NUTM2E: variants seen among roughly 807,000 people sequenced by gnomAD.
NUTM2E encodes the protein NUT family member 2E.
In NUTM2E, 3 loss-of-function variants were observed where a neutral mutation model predicts 26.1. The observed-to-expected ratio is 0.12, with a 90% CI of 0.05 to 0.30. The LOEUF (loss-of-function observed/expected upper bound fraction) is 0.30, where lower values mean the gene tolerates loss of function less well. NUTM2E is among the 10% of genes least tolerant of loss of function. NUTM2E has a pLI of 1.00. For missense variants in NUTM2E, 62 were observed against 381.3 expected (o/e 0.16, Z 6.97); for synonymous variants, 13 against 157.5 (o/e 0.08, Z 6.87).
At chr10:79,830,758 A>G (rs1188344630) in intron 1 of NUTM2E, among the ~76,000 whole-genome samples, 4 of 151,856 alleles carry the variant, frequency 2.6e-5, no homozygotes, top group Non-Finnish European at 5.9e-5. Flanking sequence ...ATGTGTTTAA[A>G]TATCAGGACA....
chr10:79,836,411 G>A lies in NUTM2E; in HGVS notation c.-2727-1898G>A, dbSNP rs527247797. ...TTCTCTAGGATACATCTATGTACATGCAACTGAAGAAAATAGCTTTTAAAT... is the reference window on the plus strand; with the variant it reads ...TTCTCTAGGATACATCTATGTACATACAACTGAAGAAAATAGCTTTTAAAT... On this transcript the variant is annotated intron_variant, in intron 1 of 9. Coordinates refer to ENST00000429984, the MANE Select transcript of NUTM2E (RefSeq NM_001355263.2). Among the ~76,000 whole-genome samples the A allele has an allele frequency of 9.2e-5, 14 of 151,920 alleles. No individual in the cohort carries two copies. The South Asian group carries it at 2.9e-3, about 32-fold the overall frequency.
chr10:79,833,436 C>T (rs2880200), intron 1 of NUTM2E, among the ~76,000 whole-genome samples: 7 of 149,964 alleles, frequency 4.7e-5, no homozygotes, highest in East Asian at 2.0e-4. Context: ...ACCTACAGAA[C>T]GGGAAAAAAA....
chr10:79,827,189 G>A lies in NUTM2E; in HGVS notation c.-2896G>A. ...CCATCCGACTCTTCGAGGGGCGGCA[G>A]GGCCCCATCTGTGTCTTTCGCTCTC... On this transcript the variant is annotated 5_prime_UTR_variant, in exon 1 of 10. Transcript: ENST00000429984. The A allele has an allele frequency of 6.5e-6, 1 of 152,676 alleles. No homozygotes were observed. The highest frequency in any genetic ancestry group is 2.0e-4 in the East Asian group (1 of 5,120). 9.5% of individuals were successfully genotyped at this position (152,676 alleles called of 1,614,324 possible).
chr10:79,828,314 T>C (rs1277076110), intron 1 of NUTM2E, among the ~76,000 whole-genome samples: 1 of 151,898 alleles, frequency 6.6e-6, no homozygotes, highest in African/African-American at 2.4e-5. Flanking sequence ...AACACGATAA[T>C]GGAATCAGAA....
chr10:79,829,567 C>T (rs1841913551), intron 1 of NUTM2E, among the ~76,000 whole-genome samples: 1 of 151,906 alleles, frequency 6.6e-6, no homozygotes, highest in Non-Finnish European at 1.5e-5. Flanking sequence ...GGAAAATTCC[C>T]TAAGAGAAAA....
chr10:79,831,522 T>C (rs1454086155), intron 1 of NUTM2E, among the ~76,000 whole-genome samples: 1 of 151,582 alleles, frequency 6.6e-6, no homozygotes, highest in Non-Finnish European at 1.5e-5. Flanking sequence ...TCATTTGATA[T>C]GACTTGTAAA....
intron 1 of NUTM2E, among the ~76,000 whole-genome samples, chr10:79,835,036 T>C (rs1442540563): frequency 1.3e-5 from 2 of 151,212 alleles, no homozygotes; most frequent in Non-Finnish European, 3.0e-5. Flanking sequence ...TAAACTGCCT[T>C]GTTGCTGTGA....
chr10:79,833,471 A>G (rs1221913095), intron 1 of NUTM2E, among the ~76,000 whole-genome samples: 1 of 151,472 alleles, frequency 6.6e-6, no homozygotes. Context: ...CATCTGGCAA[A>G]GGACTAATAT....
chr10:79,838,105 C>A (rs1413822601), intron 1 of NUTM2E, among the ~76,000 whole-genome samples: 3 of 151,320 alleles, frequency 2.0e-5, no homozygotes, highest in Non-Finnish European at 4.4e-5. Context: ...TAGACAGAAA[C>A]CCTAGAACCC....
intron 1 of NUTM2E, among the ~76,000 whole-genome samples, chr10:79,836,554 C>T (rs915249441): frequency 6.6e-6 from 1 of 151,810 alleles, no homozygotes; most frequent in Non-Finnish European, 1.5e-5. Context: ...ATTTACATAT[C>T]GACAGCGTAC....
Position 79,840,181 on chromosome 10 carries a change from G to GCAAAATATCATAC in NUTM2E, c.-1560_-1559insCAAAATATCATAC, listed in dbSNP as rs1841990288. Among the ~76,000 whole-genome samples the GCAAAATATCATAC allele has an allele frequency of 9.5e-6, 1 of 105,008 alleles. No homozygotes were observed. The highest frequency in any genetic ancestry group is 3.7e-5 in the African/African-American group (1 of 27,184). 68.9% of individuals were successfully genotyped at this position (105,008 alleles called of 152,430 possible). ...TGCTTCAACATCCCTCTTAGATGAA[G>GCAAAATATCATAC]TTATTGATTGAAAATCATTTAAGTT... On this transcript the variant is annotated 5_prime_UTR_variant, in exon 4 of 10. The change creates a premature stop within an existing upstream ORF in the 5' untranslated region. Coordinates refer to ENST00000429984, the MANE Select transcript of NUTM2E (RefSeq NM_001355263.2).
Position 79,838,923 on chromosome 10 carries a change from C to G in NUTM2E, c.-2306C>G, listed in dbSNP as rs1841981802. On this transcript the variant is annotated 5_prime_UTR_variant, in exon 3 of 10. Transcript: ENST00000429984. Reference sequence around the variant, plus strand: ...GCCGGCCTCGCGCTGGAACCTCGCCCGCCTCAAGGCTCCTGCGGCGGCGCA... The same window carrying G: ...GCCGGCCTCGCGCTGGAACCTCGCCGGCCTCAAGGCTCCTGCGGCGGCGCA... 6.7e-6 allele frequency among the ~76,000 whole-genome samples: 1 copy of G among 149,368 alleles called. No homozygotes were observed. The highest frequency in any genetic ancestry group is 2.1e-4 in the South Asian group (1 of 4,680).
chr10:79,828,517 A>G (rs1305083735), intron 1 of NUTM2E, among the ~76,000 whole-genome samples: 9 of 151,882 alleles, frequency 5.9e-5, no homozygotes, highest in African/African-American at 1.9e-4. Flanking sequence ...TCTCAAGTAG[A>G]AAAAATTTTT....
At chr10:79,830,829 C>T (rs1841923118) in intron 1 of NUTM2E, among the ~76,000 whole-genome samples, 1 of 151,626 alleles carries the variant, frequency 6.6e-6, no homozygotes, top group Admixed American at 6.6e-5. Flanking sequence ...CATGTGTAGG[C>T]GGGTTGTCTT....
chr10:79,827,432 A>G (rs1841891873), intron 1 of NUTM2E, 75 bp downstream of exon 1: 1 of 151,628 alleles, frequency 6.6e-6, no homozygotes, highest in Admixed American at 6.6e-5. Context: ...AATTACAGAT[A>G]GGATTACACT....
chr10:79,836,621 T>G (rs1841964992), intron 1 of NUTM2E, among the ~76,000 whole-genome samples: 1 of 151,920 alleles, frequency 6.6e-6, no homozygotes, highest in Admixed American at 6.6e-5. Flanking sequence ...ACAAATTACA[T>G]GTGAATTTGA....
At chr10:79,831,698 G>A (rs1174300343) in intron 1 of NUTM2E, among the ~76,000 whole-genome samples, 1 of 151,620 alleles carries the variant, frequency 6.6e-6, no homozygotes, top group Non-Finnish European at 1.5e-5. Flanking sequence ...GACATGCTGG[G>A]GATACAGTAT....
chr10:79,840,348 G>A lies in NUTM2E; in HGVS notation c.-1393G>A, dbSNP rs1468381379. On this transcript the variant is annotated 5_prime_UTR_variant, in exon 4 of 10. Coordinates refer to ENST00000429984, the MANE Select transcript of NUTM2E (RefSeq NM_001355263.2). Reference sequence around the variant, plus strand: ...TAAGATGGAGGTAGAGTTGCACAGTGGAAGAGGGCTGCATGTAAGAAGGCA... The same window carrying A: ...TAAGATGGAGGTAGAGTTGCACAGTAGAAGAGGGCTGCATGTAAGAAGGCA... Among the ~76,000 whole-genome samples the A allele has an allele frequency of 6.6e-5, 9 of 136,646 alleles. No individual in the cohort carries two copies. Among genetic ancestry groups the A allele is most frequent in the South Asian group, 2.6e-4 (1 of 3,832 alleles). 89.6% of individuals were successfully genotyped at this position (136,646 alleles called of 152,430 possible). A position where few individuals can be genotyped will look rare whatever the true frequency, so the allele number is the denominator to read the frequency against.
chr10:79,829,348 C>G (rs1252819690), intron 1 of NUTM2E, among the ~76,000 whole-genome samples: 2 of 151,438 alleles, frequency 1.3e-5, no homozygotes, highest in Non-Finnish European at 2.9e-5. Flanking sequence ...ACTAAGCATT[C>G]TAGTACAATA....
Sources: allele counts gnomAD v4.1 joint callset (sites outside exome capture counted in the v4.1 genomes callset), GRCh38; gene constraint gnomAD v4.1.1; transcripts MANE v1.5; gene names NCBI Gene and HGNC (gene_info 2026-07-23, HGNC 2026-07-21).